Variants in GTF2E1 observed in about 807,000 individuals in gnomAD.
GTF2E1 encodes TFIIE alpha subunit.
GTF2E1 carries 14 observed loss-of-function variants against 34.9 expected under a neutral mutation model. The ratio of observed to expected loss-of-function variants is 0.40; its 90% CI spans 0.27 to 0.63. GTF2E1 has a LOEUF of 0.63. Ranked by LOEUF, GTF2E1 falls within the 20% of genes least tolerant of loss-of-function variation. The pLI is 0.39. For synonymous variants in GTF2E1, 188 were observed against 192.9 expected, an observed-to-expected ratio of 0.97 and a Z score of 0.21; for missense variants, 469 against 557.7, an observed-to-expected ratio of 0.84 and a Z score of 1.60.
At chr3:120,753,805 A>G (rs1227803710) in intron 2 of GTF2E1, among the ~76,000 whole-genome samples, 3 of 152,168 alleles carry the variant, frequency 2.0e-5, no homozygotes, top group Non-Finnish European at 4.4e-5. Flanking sequence ...AATTTTCTCC[A>G]TACTTTCCAT....
intron 4 of GTF2E1, among the ~76,000 whole-genome samples, chr3:120,779,518 T>C (rs571985697): frequency 1.3e-5 from 2 of 152,354 alleles, no homozygotes; most frequent in East Asian, 3.9e-4. Flanking sequence ...TGCTTCTGTT[T>C]CCCTTTCTCT....
intron 2 of GTF2E1, among the ~76,000 whole-genome samples, chr3:120,764,983 G>A (rs1242659883): frequency 7.7e-6 from 1 of 129,800 alleles, no homozygotes; most frequent in Non-Finnish European, 1.7e-5. Context: ...ATTTCGCTGA[G>A]CATTACTGTT....
At chr3:120,756,479 A>G (rs1381753526) in intron 2 of GTF2E1, among the ~76,000 whole-genome samples, 1 of 151,896 alleles carries the variant, frequency 6.6e-6, no homozygotes, top group African/African-American at 2.4e-5. Flanking sequence ...AGGGGGGGAA[A>G]TTTATTAGAA....
At chr3:120,752,027 A>T (rs1208659950) in intron 2 of GTF2E1, among the ~76,000 whole-genome samples, 4 of 152,168 alleles carry the variant, frequency 2.6e-5, no homozygotes, top group Non-Finnish European at 5.9e-5. Flanking sequence ...AAAAATTTTT[A>T]AGTGGGAAAT....
In GTF2E1 at chr3:120,770,925, C is replaced by G; in HGVS notation, c.646C>G (p.Gln216Glu). ...PEPTEIPALK[Q>E]SKDHAATTAG... ...ACCCACAGAAATCCCAGCCCTGAAA[C>G]AGAGGTGAGTGTAGGCCCTGTGCTC... Residue 216 changes from glutamine (Q) to glutamate (E), a missense_variant, in exon 3 of 5, where the codon CAG (glutamine) becomes GAG (glutamate). Transcript: ENST00000283875. 1 of 1,612,584 alleles carries G rather than the reference C, an allele frequency of 6.2e-7. No individual in the cohort carries two copies. Among genetic ancestry groups the G allele is most frequent in the Non-Finnish European group, 8.5e-7 (1 of 1,178,726 alleles).
chr3:120,762,411 A>G (rs376160413), intron 2 of GTF2E1, among the ~76,000 whole-genome samples: 1 of 152,296 alleles, frequency 6.6e-6, no homozygotes, highest in East Asian at 1.9e-4. Flanking sequence ...TACTGGGTGC[A>G]TATATATTTA....
intron 3 of GTF2E1, 50 bp downstream of exon 3, chr3:120,770,979 T>C (rs1267758455): frequency 7.0e-7 from 1 of 1,435,306 alleles, no homozygotes; most frequent in Non-Finnish European, 9.8e-7. Flanking sequence ...AACCTGTTCT[T>C]GTTTTAACTA....
intron 2 of GTF2E1, among the ~76,000 whole-genome samples, chr3:120,758,265 G>A (rs937742749): frequency 2.0e-5 from 3 of 151,996 alleles, no homozygotes; most frequent in South Asian, 2.1e-4. Flanking sequence ...TGGCTTTTCC[G>A]CTCACTGCAC....
At chr3:120,779,455 G>C (rs1709428844) in intron 4 of GTF2E1, among the ~76,000 whole-genome samples, 1 of 152,132 alleles carries the variant, frequency 6.6e-6, no homozygotes, top group South Asian at 2.1e-4. Context: ...CTCTCATTTT[G>C]ACAGTCATGT....
chr3:120,750,616 A>G lies in GTF2E1; in HGVS notation c.64A>G (p.Ile22Val). Residue 22 changes from isoleucine to valine, a missense_variant, in exon 2 of 5, where the codon ATC becomes GTC. Coordinates refer to ENST00000283875, the MANE Select transcript of GTF2E1 (RefSeq NM_005513.3). The part of the protein sequence containing the change: ...AALKRLAKYV[I>V]RGFYGIEHAL... ...ATTGAAGCGGTTAGCCAAGTATGTG[A>G]TCCGGGGATTTTATGGCATTGAGCA... 5.0e-6 allele frequency: 8 copies of G among 1,613,974 alleles called. No individual in the cohort carries two copies. Among genetic ancestry groups the G allele is most frequent in the Non-Finnish European group, 6.8e-6 (8 of 1,179,944 alleles).
chr3:120,763,610 T>C (rs1429468375), intron 2 of GTF2E1, among the ~76,000 whole-genome samples: 2 of 152,236 alleles, frequency 1.3e-5, no homozygotes, highest in Non-Finnish European at 2.9e-5. Flanking sequence ...CATGGAACTG[T>C]GAAATGTCTT....
intron 1 of GTF2E1, among the ~76,000 whole-genome samples, chr3:120,749,108 T>C (rs938902886): frequency 1.3e-5 from 2 of 152,246 alleles, no homozygotes; most frequent in Non-Finnish European, 2.9e-5. Context: ...TTTTGTGTCC[T>C]GAGACTTTTT....
At chr3:120,763,914 A>G (rs1709285901) in intron 2 of GTF2E1, among the ~76,000 whole-genome samples, 2 of 152,170 alleles carry the variant, frequency 1.3e-5, no homozygotes, top group Non-Finnish European at 2.9e-5. Context: ...CAGAATTTAT[A>G]AAGTCTTCTA....
intron 2 of GTF2E1, among the ~76,000 whole-genome samples, chr3:120,753,248 C>T (rs1234740923): frequency 6.6e-6 from 1 of 152,020 alleles, no homozygotes; most frequent in Non-Finnish European, 1.5e-5. Flanking sequence ...GTCCTCTCCT[C>T]TACTCCCACC....
chr3:120,752,047 A>G (rs1709168746), intron 2 of GTF2E1, among the ~76,000 whole-genome samples: 1 of 152,194 alleles, frequency 6.6e-6, no homozygotes, highest in Admixed American at 6.5e-5. Context: ...TAACCCCAAT[A>G]TAAATTAAGA....
At chr3:120,775,081 C>T (rs949749346) in intron 3 of GTF2E1, among the ~76,000 whole-genome samples, 3 of 152,024 alleles carry the variant, frequency 2.0e-5, no homozygotes, top group Non-Finnish European at 2.9e-5. Context: ...ATCAGATACA[C>T]GGACACAGAC....
At chr3:120,744,179 A>C (rs930695443) in intron 1 of GTF2E1, among the ~76,000 whole-genome samples, 1 of 152,208 alleles carries the variant, frequency 6.6e-6, no homozygotes, top group Non-Finnish European at 1.5e-5. Context: ...GTGAACTCTT[A>C]CAATTTTTAA....
rs1457101198 is a variant in GTF2E1 at position 120,779,749 on chromosome 3, C to G, written c.893-1294C>G. On this transcript the variant is annotated intron_variant, in intron 4 of 4. Transcript: ENST00000283875. ...ACTTCACAGACATTCACTTAATCCC[C>G]ACAGTAATCTAGTGAAGTAAATACT... 2.6e-5 allele frequency among the ~76,000 whole-genome samples: 4 copies of G among 152,314 alleles called. No individual in the cohort carries two copies. The East Asian group carries it at 7.7e-4, about 29-fold the overall frequency.
At chr3:120,765,062 A>G (rs1382479998) in intron 2 of GTF2E1, among the ~76,000 whole-genome samples, 1 of 36,460 alleles carries the variant, frequency 2.7e-5, no homozygotes, top group South Asian at 8.8e-4. Context: ...TTTTGCTTTT[A>G]CTTTTTTTAT....
Sources: allele counts gnomAD v4.1 joint callset (sites outside exome capture counted in the v4.1 genomes callset), GRCh38; gene constraint gnomAD v4.1.1; transcripts MANE v1.5; gene names NCBI Gene and HGNC (gene_info 2026-07-23, HGNC 2026-07-21).